The following PTGS1 variants were observed in gnomAD, a reference collection of about 807,000 sequenced individuals.
PTGS1 encodes prostaglandin G/H synthase 1.
In PTGS1, 40 loss-of-function variants were observed where a neutral mutation model predicts 63.0. The ratio of observed to expected loss-of-function variants is 0.63; its 90% CI spans 0.49 to 0.83. The LOEUF is 0.83. PTGS1 is among the 40% of genes least tolerant of loss of function. The pLI is 0.00. For synonymous variants in PTGS1, 298 were observed against 301.9 expected (o/e 0.99, Z 0.13); for missense variants, 709 against 786.5 (o/e 0.90, Z 1.18).
chr9:122,386,810 C>A, intron 9 of PTGS1, 78 bp downstream of exon 9: 1 of 1,533,764 alleles, frequency 6.5e-7, no homozygotes, highest in Middle Eastern at 2.2e-4. Context: ...CCAGGTTCTT[C>A]TTCTGTAAAA....
upstream of PTGS1, chr9:122,370,931 G>A (rs1836756011): frequency 4.0e-6 from 5 of 1,265,050 alleles, no homozygotes; most frequent in Admixed American, 1.1e-4. Flanking sequence ...GCTGGGCAGA[G>A]GAAGTAAGCG....
chr9:122,388,151 G>A (rs1035832585), intron 9 of PTGS1, among the ~76,000 whole-genome samples: 2 of 152,206 alleles, frequency 1.3e-5, no homozygotes, highest in African/African-American at 2.4e-5. Flanking sequence ...CCCCGGCGTC[G>A]TACCTGGCAC....
At position 122,395,643 on chromosome 9, in the gene PTGS1, A is replaced by C. The variant is rs1199373595; in HGVS notation, c.*3099A>C. 1 of 152,138 alleles carries C rather than the reference A, an allele frequency of 6.6e-6. No individual in the cohort carries two copies. The highest frequency in any genetic ancestry group is 1.5e-5 in the Non-Finnish European group (1 of 68,020). 9.4% of individuals were successfully genotyped at this position (152,138 alleles called of 1,614,324 possible). A position where few individuals can be genotyped will look rare whatever the true frequency, so the allele number is the denominator to read the frequency against. Reference sequence around the variant, plus strand: ...CCTGCTAGTCTGCCCTATGGATTTGAAGTTTGCCAACCCCAACAATTGTGT... The same window carrying C: ...CCTGCTAGTCTGCCCTATGGATTTGCAGTTTGCCAACCCCAACAATTGTGT... On this transcript the variant is annotated 3_prime_UTR_variant, in exon 11 of 11. Transcript: ENST00000362012.
chr9:122,371,918 G>T (rs1450920982), intron 2 of PTGS1: 2 of 1,040,062 alleles, frequency 1.9e-6, no homozygotes, highest in Non-Finnish European at 2.9e-6. Flanking sequence ...CACACACTTC[G>T]CAAGGTCTTT....
chr9:122,392,850 C>A lies in PTGS1; in HGVS notation c.*306C>A. On this transcript the variant is annotated 3_prime_UTR_variant, in exon 11 of 11. Transcript: ENST00000362012. ...ATTTCTGGTTGATTTGTAACACAGT[C>A]ATTCTAGGATGTGGAGCTACTGATG... The A allele has an allele frequency of 3.5e-6, 1 of 284,564 alleles. No individual in the cohort carries two copies. Among genetic ancestry groups the A allele is most frequent in the South Asian group, 9.8e-5 (1 of 10,246 alleles). The allele number at this position is 284,564 out of a possible 1,614,324, so 17.6% of individuals were successfully genotyped here.
chr9:122,383,549 C>A lies in PTGS1; in HGVS notation c.803C>A (p.Ala268Glu). The A allele has an allele frequency of 3.1e-6, 5 of 1,613,774 alleles. No homozygotes were observed. The highest frequency in any genetic ancestry group is 2.5e-6 in the Non-Finnish European group (3 of 1,179,752). The change falls in exon 8 of 11, where the codon GCG (alanine) becomes GAG (glutamate). Residue 268 changes from alanine to glutamate, a missense_variant. Physicochemically the swap from Ala to Glu is moderately radical, Grantham distance 107. Coordinates refer to ENST00000362012, the MANE Select transcript of PTGS1 (RefSeq NM_000962.4). Reference sequence around the variant, plus strand: ...ATGTACCCGCCCTCGGTAGAAGAGGCGCCTGTGTTGATGCACTACCCCCGA... The same window carrying A: ...ATGTACCCGCCCTCGGTAGAAGAGGAGCCTGTGTTGATGCACTACCCCCGA... ...GEMYPPSVEE[A>E]PVLMHYPRGI...
At chr9:122,379,932 C>A (rs1837410202) in intron 5 of PTGS1, among the ~76,000 whole-genome samples, 1 of 152,138 alleles carries the variant, frequency 6.6e-6, no homozygotes, top group African/African-American at 2.4e-5. Flanking sequence ...TTTACCAGAA[C>A]TCAAAAAATT....
upstream of PTGS1, chr9:122,370,876 C>A: frequency 1.2e-6 from 1 of 807,182 alleles, no homozygotes; most frequent in Non-Finnish European, 1.9e-6. Context: ...TGAAAAGCCG[C>A]TTTAGCGGCG....
At chr9:122,382,500 C>G (rs554183851) in intron 7 of PTGS1, among the ~76,000 whole-genome samples, 1 of 152,236 alleles carries the variant, frequency 6.6e-6, no homozygotes, top group East Asian at 1.9e-4. Context: ...CCGACTTGTT[C>G]CACGCATACT....
chr9:122,385,407 C>T (rs1201284732), intron 8 of PTGS1, among the ~76,000 whole-genome samples: 2 of 151,554 alleles, frequency 1.3e-5, no homozygotes, highest in Non-Finnish European at 2.9e-5. Flanking sequence ...AGCTCCAGGT[C>T]GATTTCCAAA....
intron 2 of PTGS1, among the ~76,000 whole-genome samples, chr9:122,374,041 G>A (rs1373890373): frequency 6.6e-6 from 1 of 152,114 alleles, no homozygotes; most frequent in Non-Finnish European, 1.5e-5. Context: ...CTGGAGCCCT[G>A]ACTTTTGGGC....
rs200632850 is a variant in PTGS1 at position 122,394,345 on chromosome 9, G to A, written c.*1801G>A. On this transcript the variant is annotated 3_prime_UTR_variant, in exon 11 of 11. Transcript: ENST00000362012. ...GGGGAAACTAGAGTTCGGTCTGACAGTCCTTGGGGTTAAGTCTCCTGTCTT... is the reference window on the plus strand; with the variant it reads ...GGGGAAACTAGAGTTCGGTCTGACAATCCTTGGGGTTAAGTCTCCTGTCTT... 1.7e-4 allele frequency: 26 copies of A among 152,224 alleles called. No homozygotes were observed. Among genetic ancestry groups the A allele is most frequent in the Non-Finnish European group, 1.5e-5 (1 of 68,062 alleles). 9.4% of individuals were successfully genotyped at this position (152,224 alleles called of 1,614,324 possible).
At chr9:122,383,180 GTTTTTTTTTTTTTAAGT>G (rs1837628395) in intron 7 of PTGS1, among the ~76,000 whole-genome samples, 1 of 122,646 alleles carries the variant, frequency 8.2e-6, no homozygotes, top group Non-Finnish European at 1.9e-5. Flanking sequence ...AAGATTTGTT[GTTTTTTTTTTTTTAAGT>G]TTTTTTTTTC....
chr9:122,375,348 G>A (rs1259483259), intron 2 of PTGS1: 1 of 985,394 alleles, frequency 1.0e-6, no homozygotes, highest in Admixed American at 6.1e-5. Context: ...GCCTGCCGAG[G>A]CAGAGCTCTA....
intron 7 of PTGS1, among the ~76,000 whole-genome samples, chr9:122,382,377 G>A (rs1012974611): frequency 6.6e-6 from 1 of 152,122 alleles, no homozygotes; most frequent in East Asian, 1.9e-4. Context: ...AAAATCTGGT[G>A]TATATTTCAC....
rs559943738 is a variant in PTGS1, at chr9:122,391,904, G to T, written c.1445-285G>T. ...TAATTAGGGCCCAGAGTTGCTCAAGGTTATAGGCTGTTTGGTGGCAGATCT... is the reference window on the plus strand; with the variant it reads ...TAATTAGGGCCCAGAGTTGCTCAAGTTTATAGGCTGTTTGGTGGCAGATCT... On this transcript the variant is annotated intron_variant, in intron 10 of 10. Transcript: ENST00000362012. 4.6e-5 allele frequency among the ~76,000 whole-genome samples: 7 copies of T among 152,220 alleles called. No homozygotes were observed. In the East Asian group the frequency reaches 1.4e-3, roughly 30 times the overall value.
Position 122,377,986 on chromosome 9 carries a change from C to T in PTGS1, c.182C>T (p.Thr61Met), listed in dbSNP as rs201806874. ...LDRYQCDCTR[T>M]GYSGPNCTIP... ...CGCTACCAGTGTGACTGCACCCGCA[C>T]GGGCTATTCCGGCCCCAACTGCACC... Residue 61 changes from threonine (T) to methionine (M), a missense_variant, in exon 3 of 11, where the codon ACG (threonine) becomes ATG (methionine). Thr to Met is a moderately conservative substitution (Grantham distance 81, BLOSUM62 -1). Coordinates refer to ENST00000362012, the MANE Select transcript of PTGS1 (RefSeq NM_000962.4). The T allele has an allele frequency of 3.7e-5, 59 of 1,613,432 alleles. No individual in the cohort carries two copies. Among genetic ancestry groups the T allele is most frequent in the East Asian group, 6.7e-5 (3 of 44,892 alleles).
intron 10 of PTGS1, 50 bp from the exon 11 acceptor site, chr9:122,392,139 T>G (rs769265978): frequency 2.0e-6 from 3 of 1,507,538 alleles, no homozygotes; most frequent in South Asian, 2.6e-5. Flanking sequence ...CAGGTTGACC[T>G]TAATGGCATC....
intron 2 of PTGS1, among the ~76,000 whole-genome samples, chr9:122,372,094 TGTGTGTGTGC>T (rs1310321870): frequency 2.0e-5 from 3 of 151,960 alleles, no homozygotes; most frequent in African/African-American, 7.3e-5. Context: ...GCTCGCTGCT[TGTGTGTGTGC>T]GTGTGTGTGA....
Sources: allele counts gnomAD v4.1 joint callset (sites outside exome capture counted in the v4.1 genomes callset), GRCh38; gene constraint gnomAD v4.1.1; transcripts MANE v1.5; gene names NCBI Gene and HGNC (gene_info 2026-07-23, HGNC 2026-07-21).